Variants in ST3GAL3 observed in about 807,000 individuals in gnomAD.
ST3GAL3 encodes the protein ST3 beta-galactoside alpha-2,3-sialyltransferase 3, also known as CMP-N-acetylneuraminate-beta-1,4-galactoside alpha-2,3-sialyltransferase.
Under a neutral mutation model 50.1 loss-of-function variants are expected in ST3GAL3, and 21 were observed. The ratio of observed to expected loss-of-function variants is 0.42; its 90% CI spans 0.30 to 0.60. The LOEUF is 0.60. ST3GAL3 is among the 20% of genes least tolerant of loss of function. The probability of loss-of-function intolerance (pLI) is 0.19; values close to 1 mark genes in which losing one functional copy is unlikely to be tolerated. For missense variants in ST3GAL3, 353 were observed against 489.4 expected (o/e 0.72, Z 2.63); for synonymous variants, 183 against 190.0 (o/e 0.96, Z 0.30).
chr1:43,820,854 A>T (rs1372432969), intron 4 of ST3GAL3, among the ~76,000 whole-genome samples: 2 of 152,212 alleles, frequency 1.3e-5, no homozygotes, highest in Non-Finnish European at 2.9e-5. Flanking sequence ...TCCACATCTT[A>T]CTAGCTCTAA....
intron 1 of ST3GAL3, among the ~76,000 whole-genome samples, chr1:43,730,659 C>T (rs1454490825): frequency 6.9e-6 from 1 of 144,714 alleles, no homozygotes; most frequent in Admixed American, 7.1e-5. Flanking sequence ...TAACCTCAAA[C>T]TTATGGGCTC....
chr1:43,850,364 C>T (rs911331957), intron 5 of ST3GAL3: 11 of 558,798 alleles, frequency 2.0e-5, no homozygotes, highest in African/African-American at 1.9e-4. Flanking sequence ...GGAGAGCCTG[C>T]ACACACCCCT....
At chr1:43,726,980 TA>T (rs1673226892) in intron 1 of ST3GAL3, among the ~76,000 whole-genome samples, 1 of 152,230 alleles carries the variant, frequency 6.6e-6, no homozygotes. Flanking sequence ...TAATGGTTCC[TA>T]AATGGTGATT....
At chr1:43,826,190 C>T (rs2062778839) in intron 4 of ST3GAL3, among the ~76,000 whole-genome samples, 1 of 152,094 alleles carries the variant, frequency 6.6e-6, no homozygotes, top group Non-Finnish European at 1.5e-5. Context: ...CCCGAGAGGT[C>T]AAGGCTTCAG....
intron 6 of ST3GAL3, among the ~76,000 whole-genome samples, chr1:43,896,245 C>G (rs574025772): frequency 6.6e-6 from 1 of 152,202 alleles, no homozygotes; most frequent in African/African-American, 2.4e-5. Flanking sequence ...CTCAGTGTCC[C>G]GGAGAAATCC....
At chr1:43,926,338 C>T (rs1226732407) in intron 11 of ST3GAL3, among the ~76,000 whole-genome samples, 1 of 152,178 alleles carries the variant, frequency 6.6e-6, no homozygotes, top group Non-Finnish European at 1.5e-5. Context: ...CCTGTAATCC[C>T]AGCACTTTGG....
Position 43,899,787 on chromosome 1 carries a change from C to T in ST3GAL3, c.744+60C>T. 1 of 1,471,788 alleles carries T rather than the reference C, an allele frequency of 6.8e-7. No homozygotes were observed. Among genetic ancestry groups the T allele is most frequent in the Admixed American group, 1.7e-5 (1 of 58,540 alleles). The allele number at this position is 1,471,788 out of a possible 1,614,324, so 91.2% of individuals were successfully genotyped here. ...GCCCTGGGCTTCCGCAACTCCTAAG[C>T]AATCCCGCCCCTTGAATGCAGCAAA... On this transcript the variant is annotated intron_variant, in intron 9 of 11. Transcript: ENST00000347631. The surrounding 1 kb of genome is among the most constrained non-coding windows in gnomAD (Gnocchi z 5.4).
intron 1 of ST3GAL3, among the ~76,000 whole-genome samples, chr1:43,713,962 G>A (rs557423631): frequency 1.3e-5 from 2 of 152,304 alleles, no homozygotes; most frequent in Non-Finnish European, 2.9e-5. Context: ...AAAAGAGACA[G>A]TTGATAAGAA....
At chr1:43,714,935 T>C (rs1666633917) in intron 1 of ST3GAL3, among the ~76,000 whole-genome samples, 1 of 152,246 alleles carries the variant, frequency 6.6e-6, no homozygotes, top group South Asian at 2.1e-4. Context: ...TAATTTATGT[T>C]ACTCTGATGA....
At chr1:43,885,434 G>C (rs1382648272) in intron 5 of ST3GAL3, among the ~76,000 whole-genome samples, 1 of 151,928 alleles carries the variant, frequency 6.6e-6, no homozygotes, top group Non-Finnish European at 1.5e-5. Flanking sequence ...AGGCTGCCTC[G>C]CGTGCCGGGG....
intron 2 of ST3GAL3, among the ~76,000 whole-genome samples, chr1:43,768,584 T>C (rs1214029239): frequency 1.3e-5 from 2 of 152,202 alleles, no homozygotes; most frequent in Non-Finnish European, 2.9e-5. Context: ...CTACAGGAGC[T>C]ATAGGCTTGA....
chr1:43,907,426 A>C (rs1417798979), intron 9 of ST3GAL3, among the ~76,000 whole-genome samples: 1 of 152,168 alleles, frequency 6.6e-6, no homozygotes. Flanking sequence ...CCTTAGTAGC[A>C]TCTCAGTGCT....
At chr1:43,929,871 A>G in intron 11 of ST3GAL3, 1 of 532,220 alleles carries the variant, frequency 1.9e-6, no homozygotes, top group South Asian at 1.8e-5. Flanking sequence ...GGAGGTTGGG[A>G]AGCTTAACGG....
At chr1:43,710,776 C>T (rs1664338649) in intron 1 of ST3GAL3, among the ~76,000 whole-genome samples, 3 of 152,146 alleles carry the variant, frequency 2.0e-5, no homozygotes, top group African/African-American at 7.2e-5. Flanking sequence ...TACGGAACTT[C>T]CTTTGTGAAG....
intron 2 of ST3GAL3, among the ~76,000 whole-genome samples, chr1:43,760,378 A>G (rs1264443995): frequency 6.6e-6 from 1 of 152,266 alleles, no homozygotes; most frequent in Non-Finnish European, 1.5e-5. Context: ...CGAATGTGAA[A>G]TCATTGGAAG....
chr1:43,850,831 G>A (rs2154212906), intron 5 of ST3GAL3: 2 of 1,120,780 alleles, frequency 1.8e-6, no homozygotes, highest in East Asian at 4.7e-5. Context: ...GCAATGGTGT[G>A]GTTGTGGGGA....
intron 2 of ST3GAL3, among the ~76,000 whole-genome samples, chr1:43,784,609 C>T (rs1406956609): frequency 6.6e-6 from 1 of 152,206 alleles, no homozygotes; most frequent in African/African-American, 2.4e-5. Context: ...TCTGATGGTT[C>T]AAAAGCTCTT....
intron 9 of ST3GAL3, chr1:43,920,101 C>A: frequency 2.3e-6 from 1 of 438,934 alleles, no homozygotes; most frequent in South Asian, 2.1e-5. Flanking sequence ...CAGGAGCCCC[C>A]TCAGGCCACA....
chr1:43,884,136 G>A (rs528708955), intron 5 of ST3GAL3, among the ~76,000 whole-genome samples: 2 of 152,318 alleles, frequency 1.3e-5, no homozygotes, highest in South Asian at 2.1e-4. Flanking sequence ...GCACTGAGTA[G>A]GCAAGCAGTT....
Sources: allele counts gnomAD v4.1 joint callset (sites outside exome capture counted in the v4.1 genomes callset), GRCh38; gene constraint gnomAD v4.1.1; non-coding constraint Gnocchi (gnomAD v3.1); transcripts MANE v1.5; gene names NCBI Gene and HGNC (gene_info 2026-07-23, HGNC 2026-07-21).